SLCO3A1: variants seen among roughly 807,000 people sequenced by gnomAD.
SLCO3A1 encodes solute carrier organic anion transporter family member 3A1.
In SLCO3A1, 27 loss-of-function variants were observed where a neutral mutation model predicts 63.1. The ratio of observed to expected loss-of-function variants is 0.43; its 90% CI spans 0.32 to 0.59. SLCO3A1 has a LOEUF of 0.59. Among genes scored for constraint, SLCO3A1 ranks in the 20% least tolerant of loss-of-function variants. The probability of loss-of-function intolerance (pLI) is 0.09; values close to 1 mark genes in which losing one functional copy is unlikely to be tolerated. For synonymous variants in SLCO3A1, 473 were observed against 409.9 expected (o/e 1.15, Z -1.86); for missense variants, 773 against 945.8 (o/e 0.82, Z 2.40).
intron 7 of SLCO3A1, among the ~76,000 whole-genome samples, chr15:92,143,712 C>G (rs1310509906): frequency 6.6e-6 from 1 of 150,532 alleles, no homozygotes; most frequent in African/African-American, 2.5e-5. Context: ...AATAGGGTGC[C>G]GTTACTAAGG....
intron 2 of SLCO3A1, among the ~76,000 whole-genome samples, chr15:92,073,853 T>A (rs1019251241): frequency 5.3e-5 from 8 of 152,234 alleles, no homozygotes; most frequent in African/African-American, 1.9e-4. Flanking sequence ...TGCCACTGGT[T>A]AAGAACCACT....
At chr15:91,994,126 G>A (rs190093693) in intron 2 of SLCO3A1, among the ~76,000 whole-genome samples, 64 of 152,240 alleles carry the variant, frequency 4.2e-4, no homozygotes, top group African/African-American at 1.5e-3. Context: ...TTAAGCCTCC[G>A]TGTTTTAAGA....
rs1203876224 is a variant in SLCO3A1 at position 91,948,870 on chromosome 15, C to G, written c.646+32412C>G. The stretch of plus-strand genomic sequence containing the variant: ...CAGAGCCTGCAGAGCACCATCCATC[C>G]TCAATTCCTTTAATAACCTGAGGAA... On this transcript the variant is annotated intron_variant, in intron 2 of 9. Coordinates refer to ENST00000318445, the MANE Select transcript of SLCO3A1 (RefSeq NM_013272.4). This position sits in a 1 kb window ranked among gnomAD's most constrained non-coding sequence, Gnocchi z 4.8. Among the ~76,000 whole-genome samples, 2 of 152,182 alleles carry G rather than the reference C, an allele frequency of 1.3e-5. No individual in the cohort carries two copies. The highest frequency in any genetic ancestry group is 6.5e-5 in the Admixed American group (1 of 15,282).
intron 1 of SLCO3A1, among the ~76,000 whole-genome samples, chr15:91,880,482 G>C (rs139179538): frequency 1.3e-5 from 2 of 150,690 alleles, no homozygotes; most frequent in Admixed American, 1.3e-4. Flanking sequence ...CCACAATCAG[G>C]ATATAGAATC....
At chr15:91,877,411 T>C (rs1897426874) in intron 1 of SLCO3A1, among the ~76,000 whole-genome samples, 1 of 152,238 alleles carries the variant, frequency 6.6e-6, no homozygotes, top group South Asian at 2.1e-4. Context: ...TCAGGCACTC[T>C]TCTAGATACT....
chr15:91,870,661 T>C (rs1897260771), intron 1 of SLCO3A1, among the ~76,000 whole-genome samples: 2 of 152,234 alleles, frequency 1.3e-5, no homozygotes, highest in Admixed American at 1.3e-4. Flanking sequence ...GTCTGTATGT[T>C]ACATTGTCTT....
chr15:91,901,312 A>G (rs1057482720), intron 1 of SLCO3A1, among the ~76,000 whole-genome samples: 1 of 152,212 alleles, frequency 6.6e-6, no homozygotes, highest in South Asian at 2.1e-4. Flanking sequence ...TATTACATCT[A>G]TATCTTATAA....
Position 91,865,520 on chromosome 15 carries a change from T to G in SLCO3A1, c.180+11432T>G, listed in dbSNP as rs918516918. Among the ~76,000 whole-genome samples, 17 of 152,290 alleles carry G rather than the reference T, an allele frequency of 1.1e-4. No homozygotes were observed. The highest frequency in any genetic ancestry group is 1.1e-3 in the Admixed American group (17 of 15,302). On this transcript the variant is annotated intron_variant, in intron 1 of 9. Transcript: ENST00000318445. This position sits in a 1 kb window ranked among gnomAD's most constrained non-coding sequence, Gnocchi z 4.6. ...GTCTGACAGTCCTGCAGGCCAGAAGTCTGAAATCAGGGCATCAGCAGGGCC... is the reference window on the plus strand; with the variant it reads ...GTCTGACAGTCCTGCAGGCCAGAAGGCTGAAATCAGGGCATCAGCAGGGCC...
intron 5 of SLCO3A1, among the ~76,000 whole-genome samples, chr15:92,121,853 G>A (rs2047866435): frequency 6.6e-6 from 1 of 152,226 alleles, no homozygotes; most frequent in Non-Finnish European, 1.5e-5. Flanking sequence ...GTCAAGCAAG[G>A]TGAGGGCCCA....
At chr15:92,012,192 G>C (rs2046376715) in intron 2 of SLCO3A1, among the ~76,000 whole-genome samples, 1 of 152,176 alleles carries the variant, frequency 6.6e-6, no homozygotes, top group Non-Finnish European at 1.5e-5. Context: ...TGCTGTCCTT[G>C]TTGCCTCTTA....
intron 2 of SLCO3A1, among the ~76,000 whole-genome samples, chr15:92,091,442 T>G (rs2047475090): frequency 6.6e-6 from 1 of 152,214 alleles, no homozygotes; most frequent in South Asian, 2.1e-4. Flanking sequence ...ACATTCGAGC[T>G]GGCTTTGCCA....
At position 92,151,006 on chromosome 15, in the gene SLCO3A1, G is replaced by A. The variant is rs1024476477; in HGVS notation, c.1745G>A (p.Arg582His). 21 of 1,609,592 alleles carry A rather than the reference G, an allele frequency of 1.3e-5. No individual in the cohort carries two copies. The highest frequency in any genetic ancestry group is 2.7e-5 in the African/African-American group (2 of 74,574). ...YALGVLFLLL[R>H]LLGFIPPPLI... ...TTGGGAGTTCTTTTTCTCCTCCTTC[G>A]TTTGTTGGGTATGTATTATCTCTTT... The change falls in exon 9 of 10, where the codon CGT becomes CAT. Residue 582 changes from arginine to histidine, a missense_variant. Arg to His is a conservative substitution (Grantham distance 29, BLOSUM62 0). Transcript: ENST00000318445.
intron 2 of SLCO3A1, among the ~76,000 whole-genome samples, chr15:92,000,935 A>C (rs954804867): frequency 6.6e-6 from 1 of 152,070 alleles, no homozygotes; most frequent in African/African-American, 2.4e-5. Context: ...GGCTTTGTAC[A>C]TTGGCTGTTC....
chr15:92,043,808 G>C (rs544993027), intron 2 of SLCO3A1, among the ~76,000 whole-genome samples: 12 of 152,290 alleles, frequency 7.9e-5, no homozygotes, highest in African/African-American at 2.4e-4. Context: ...AGAACCCCAA[G>C]AGGTCGAAAT....
At chr15:92,082,592 G>A (rs1221549683) in intron 2 of SLCO3A1, among the ~76,000 whole-genome samples, 1 of 152,194 alleles carries the variant, frequency 6.6e-6, no homozygotes, top group African/African-American at 2.4e-5. Flanking sequence ...CCCATTCTTG[G>A]ACTCATTGTT....
intron 7 of SLCO3A1, among the ~76,000 whole-genome samples, chr15:92,146,437 C>T (rs1416507985): frequency 6.6e-6 from 1 of 152,254 alleles, no homozygotes; most frequent in Non-Finnish European, 1.5e-5. Flanking sequence ...CCTCAGCCTC[C>T]AGAGAACTTT....
intron 1 of SLCO3A1, among the ~76,000 whole-genome samples, chr15:91,888,000 A>G (rs1897770140): frequency 6.6e-6 from 1 of 152,238 alleles, no homozygotes; most frequent in Non-Finnish European, 1.5e-5. Context: ...GAGAAGCCAA[A>G]TAAACCCCAT....
At chr15:92,128,672 T>C (rs2047956475) in intron 7 of SLCO3A1, among the ~76,000 whole-genome samples, 183 bp downstream of exon 7, 1 of 152,154 alleles carries the variant, frequency 6.6e-6, no homozygotes, top group South Asian at 2.1e-4. Context: ...CTAAATCAAG[T>C]GGGTTTGTAG....
At position 91,912,092 on chromosome 15, in the gene SLCO3A1, G is replaced by C. The variant is rs900757369; in HGVS notation, c.181-3901G>C. On this transcript the variant is annotated intron_variant, in intron 1 of 9. Coordinates refer to ENST00000318445, the MANE Select transcript of SLCO3A1 (RefSeq NM_013272.4). This position sits in a 1 kb window ranked among gnomAD's most constrained non-coding sequence, Gnocchi z 5.0. The stretch of plus-strand genomic sequence containing the variant: ...ACGCTTCCTCTTTCCTTTTCCTCTT[G>C]CAGTTATGGCTCCTTCTTCTCTAAT... Among the ~76,000 whole-genome samples the C allele has an allele frequency of 6.6e-6, 1 of 151,326 alleles. No homozygotes were observed. Among genetic ancestry groups the C allele is most frequent in the African/African-American group, 2.4e-5 (1 of 41,092 alleles).
Sources: gnomAD v4.1 joint callset for allele counts (sites outside exome capture counted in the v4.1 genomes callset) on GRCh38, gnomAD v4.1.1 for gene constraint, Gnocchi (gnomAD v3.1) non-coding constraint, MANE v1.5 for transcripts, NCBI Gene and HGNC (gene_info 2026-07-23, HGNC 2026-07-21) for gene names.